The following FH variants were observed in gnomAD, a reference collection of about 807,000 sequenced individuals.
The protein encoded by FH is fumarate hydratase, also known as fumarate hydratase, mitochondrial.
FH carries 22 observed loss-of-function variants against 49.4 expected under a neutral mutation model. That is an observed-to-expected ratio of 0.45 (90% CI 0.32 to 0.64). The LOEUF (loss-of-function observed/expected upper bound fraction) is 0.64. FH is among the 30% of genes least tolerant of loss of function. The pLI, the probability that FH is intolerant of heterozygous loss-of-function variation, is 0.05. For synonymous variants in FH, 208 were observed against 223.0 expected (o/e 0.93, Z 0.60); for missense variants, 526 against 641.5 (o/e 0.82, Z 1.95).
intron 2 of FH, 86 bp downstream of exon 2, chr1:241,517,095 CT>C: frequency 6.6e-7 from 1 of 1,519,702 alleles, no homozygotes; most frequent in East Asian, 2.3e-5. Context: ...TACATTTTAA[CT>C]CTGAAAAATA....
chr1:241,498,093 GT>G, intron 9 of FH, 123 bp from the exon 10 acceptor site: 2 of 910,164 alleles, frequency 2.2e-6, no homozygotes, highest in Non-Finnish European at 3.5e-6. Context: ...GACATTTTTT[GT>G]TTTTAAATTA....
intron 4 of FH, among the ~76,000 whole-genome samples, chr1:241,509,305 CTTTA>C (rs1051450854): frequency 2.6e-5 from 4 of 151,982 alleles, no homozygotes; most frequent in African/African-American, 7.2e-5. Context: ...ATAAACAGCT[CTTTA>C]TTAAGTTTAG....
At chr1:241,505,379 A>C (rs985464830) in intron 6 of FH, among the ~76,000 whole-genome samples, 1 of 152,198 alleles carries the variant, frequency 6.6e-6, no homozygotes, top group Non-Finnish European at 1.5e-5. Flanking sequence ...CCAAACCCTA[A>C]AAGTAGAGTT....
At chr1:241,508,512 T>C in intron 5 of FH, 91 bp downstream of exon 5, 1 of 1,048,446 alleles carries the variant, frequency 9.5e-7, no homozygotes, top group Non-Finnish European at 1.5e-6. Flanking sequence ...GGTTACAAAT[T>C]TGGCCTTTTA....
chr1:241,517,212 A>G lies in FH; in HGVS notation c.237T>C (p.Phe79=), dbSNP rs1443879574. The change falls in exon 2 of 10, where the codon TTT becomes TTC. Residue 79 remains phenylalanine (F), a synonymous_variant. Transcript: ENST00000366560. ...GAQTVRSTMN[F]KIGGVTERMP... ...TGCGTTCTGTCACACCTCCAATCTT[A>G]AAGTTCATCGTAGATCTCACGGTCT... 2 of 1,614,066 alleles carry G rather than the reference A, an allele frequency of 1.2e-6. No individual in the cohort carries two copies. The highest frequency in any genetic ancestry group is 1.7e-5 in the Admixed American group (1 of 59,996).
At chr1:241,519,433 C>A (rs1660309167) in intron 1 of FH, 158 bp downstream of exon 1, 1 of 886,564 alleles carries the variant, frequency 1.1e-6, no homozygotes, top group Non-Finnish European at 1.6e-6. Context: ...GTCCCGAGGC[C>A]GGGAGGCCCG....
intron 4 of FH, among the ~76,000 whole-genome samples, chr1:241,510,254 T>C (rs1395459783): frequency 6.6e-6 from 1 of 152,192 alleles, no homozygotes; most frequent in Admixed American, 6.5e-5. Flanking sequence ...AATGGCTGTT[T>C]CTAGGGCTGG....
Sources: gnomAD v4.1 joint callset for allele counts (sites outside exome capture counted in the v4.1 genomes callset) on GRCh38, gnomAD v4.1.1 for gene constraint, MANE v1.5 for transcripts, NCBI Gene and HGNC (gene_info 2026-07-23, HGNC 2026-07-21) for gene names.